Variants in ST18 observed in about 807,000 individuals in gnomAD.
ST18 encodes the protein suppression of tumorigenicity 18 protein.
ST18 carries 50 observed loss-of-function variants against 110.0 expected under a neutral mutation model. The ratio of observed to expected loss-of-function variants is 0.45; its 90% confidence interval spans 0.36 to 0.58. The LOEUF (loss-of-function observed/expected upper bound fraction) is 0.58. Among genes scored for constraint, ST18 ranks in the 20% least tolerant of loss-of-function variants. The pLI is 0.00. For missense variants in ST18, 1,306 were observed against 1,280.1 expected, an observed-to-expected ratio of 1.02 and a Z score of -0.31; for synonymous variants, 461 against 452.4, an observed-to-expected ratio of 1.02 and a Z score of -0.24.
At chr8:52,403,608 T>G (rs1057151681) in intron 2 of ST18, 6 of 152,282 alleles carry the variant, frequency 3.9e-5, no homozygotes, top group African/African-American at 1.2e-4. Flanking sequence ...CCTCCTCTTC[T>G]GTATGAGCCC....
intron 2 of ST18, among the ~76,000 whole-genome samples, chr8:52,267,744 G>T (rs2094922551): frequency 6.6e-6 from 1 of 152,320 alleles, no homozygotes; most frequent in South Asian, 2.1e-4. Flanking sequence ...GTTAAGCGGG[G>T]TATTCTCTCA....
At chr8:52,270,719 G>A (rs897780499) in intron 2 of ST18, among the ~76,000 whole-genome samples, 1 of 152,040 alleles carries the variant, frequency 6.6e-6, no homozygotes, top group African/African-American at 2.4e-5. Flanking sequence ...GTGGTTGTTT[G>A]GGGGTGGTGC....
chr8:52,187,903 T>C (rs2072997235), intron 8 of ST18, among the ~76,000 whole-genome samples: 2 of 152,242 alleles, frequency 1.3e-5, no homozygotes, highest in African/African-American at 4.8e-5. Context: ...ATTAATGCAA[T>C]TGATCTTTAA....
chr8:52,210,299 A>ATCG (rs1460638010), intron 8 of ST18, among the ~76,000 whole-genome samples: 1 of 152,210 alleles, frequency 6.6e-6, no homozygotes, highest in Non-Finnish European at 1.5e-5. Context: ...AAGGTTATTC[A>ATCG]ACAATTTAAT....
At chr8:52,149,442 T>G (rs1179482620) in intron 16 of ST18, among the ~76,000 whole-genome samples, 1 of 152,262 alleles carries the variant, frequency 6.6e-6, no homozygotes, top group Non-Finnish European at 1.5e-5. Context: ...TTACAGCTGC[T>G]ATATGAAGGG....
intron 2 of ST18, among the ~76,000 whole-genome samples, chr8:52,383,541 C>T (rs1237482477): frequency 4.7e-5 from 7 of 150,412 alleles, no homozygotes; most frequent in African/African-American, 7.3e-5. Context: ...CTCTGCCTCC[C>T]GGGTTCAACC....
intron 2 of ST18, among the ~76,000 whole-genome samples, chr8:52,247,764 T>C (rs747899267): frequency 2.4e-4 from 36 of 152,194 alleles, no homozygotes; most frequent in Non-Finnish European, 4.9e-4. Context: ...GATGGCTTGC[T>C]TTTTCCACGA....
At chr8:52,309,415 G>A (rs929247508) in intron 2 of ST18, among the ~76,000 whole-genome samples, 2 of 151,586 alleles carry the variant, frequency 1.3e-5, no homozygotes, top group Non-Finnish European at 2.9e-5. Flanking sequence ...CAGCTACTCA[G>A]GAGGCTGAGG....
intron 2 of ST18, among the ~76,000 whole-genome samples, chr8:52,303,257 G>A (rs754521566): frequency 6.6e-6 from 1 of 152,222 alleles, no homozygotes; most frequent in Non-Finnish European, 1.5e-5. Context: ...GCCTCCAGTG[G>A]CCATGGGCAG....
chr8:52,297,200 C>T (rs1380327460), intron 2 of ST18, among the ~76,000 whole-genome samples: 3 of 152,222 alleles, frequency 2.0e-5, no homozygotes, highest in African/African-American at 7.2e-5. Context: ...GCAGTCCGCA[C>T]ACAGGCTCAG....
chr8:52,118,864 G>T (rs2043538870), intron 23 of ST18, among the ~76,000 whole-genome samples: 1 of 152,154 alleles, frequency 6.6e-6, no homozygotes, highest in Non-Finnish European at 1.5e-5. Flanking sequence ...AAGAGGCAGA[G>T]CTGGGATTAA....
chr8:52,166,824 G>A (rs1587535496), intron 11 of ST18, 28 bp downstream of exon 11: 8 of 1,526,350 alleles, frequency 5.2e-6, no homozygotes, highest in Middle Eastern at 1.8e-4. Flanking sequence ...TGCATAAGCA[G>A]AAGCTTTGAG....
chr8:52,158,434 T>C (rs1587280454), intron 15 of ST18, among the ~76,000 whole-genome samples: 1 of 152,338 alleles, frequency 6.6e-6, no homozygotes, highest in African/African-American at 2.4e-5. Flanking sequence ...TAGTAACAAA[T>C]GCAATGATAA....
intron 2 of ST18, among the ~76,000 whole-genome samples, chr8:52,395,929 T>C (rs1210383547): frequency 5.3e-5 from 8 of 152,158 alleles, no homozygotes; most frequent in Admixed American, 5.2e-4. Context: ...TTGAAAAGCA[T>C]GCAAACACAC....
At chr8:52,334,863 T>C (rs933723596) in intron 2 of ST18, among the ~76,000 whole-genome samples, 3 of 152,164 alleles carry the variant, frequency 2.0e-5, no homozygotes, top group Non-Finnish European at 2.9e-5. Context: ...CAACTGCCCA[T>C]TCCCGCATGC....
chr8:52,138,383 T>G (rs1245490513), intron 17 of ST18, among the ~76,000 whole-genome samples: 3 of 152,192 alleles, frequency 2.0e-5, no homozygotes, highest in Non-Finnish European at 4.4e-5. Context: ...CTCACTCCAT[T>G]AAGATGTGTG....
chr8:52,126,147 A>G lies in ST18; in HGVS notation c.2667-7T>C. ...GAGAGGACATCCAGATAAGCTGTGAAAATAGAAATTGTACTAATGTATGAA... is the reference window on the plus strand; with the variant it reads ...GAGAGGACATCCAGATAAGCTGTGAGAATAGAAATTGTACTAATGTATGAA... On this transcript the variant is annotated splice_region_variant and splice_polypyrimidine_tract_variant and intron_variant, in intron 22 of 25. Coordinates refer to ENST00000689386, the MANE Select transcript of ST18 (RefSeq NM_001352837.2). The G allele has an allele frequency of 1.2e-6, 2 of 1,612,836 alleles. No individual in the cohort carries two copies. The highest frequency in any genetic ancestry group is 1.7e-6 in the Non-Finnish European group (2 of 1,178,978).
chr8:52,117,107 C>T (rs139926345), intron 24 of ST18, among the ~76,000 whole-genome samples: 36 of 152,312 alleles, frequency 2.4e-4, no homozygotes, highest in African/African-American at 5.5e-4. Context: ...TAAGATGCCC[C>T]GTGTGAGCTG....
intron 2 of ST18, among the ~76,000 whole-genome samples, chr8:52,363,925 A>T (rs1192243801): frequency 6.6e-6 from 1 of 152,210 alleles, no homozygotes; most frequent in Non-Finnish European, 1.5e-5. Flanking sequence ...TCTACAAAGA[A>T]GGAAGTACAG....
Sources: allele counts gnomAD v4.1 joint callset (sites outside exome capture counted in the v4.1 genomes callset), GRCh38; gene constraint gnomAD v4.1.1; transcripts MANE v1.5; gene names NCBI Gene and HGNC (gene_info 2026-07-23, HGNC 2026-07-21).